Variants in METTL8 observed in about 807,000 individuals in gnomAD.
METTL8 encodes the protein methyltransferase 8, tRNA N3-cytidine.
In METTL8, 32 loss-of-function variants were observed where a neutral mutation model predicts 48.7. That is an observed-to-expected ratio of 0.66 (90% CI 0.50 to 0.88). METTL8 has a LOEUF of 0.88. Among genes scored for constraint, METTL8 ranks in the 40% least tolerant of loss-of-function variants. The pLI is 0.00. For missense variants in METTL8, 464 were observed against 474.4 expected, an observed-to-expected ratio of 0.98 and a Z score of 0.20; for synonymous variants, 136 against 157.1, an observed-to-expected ratio of 0.87 and a Z score of 1.01.
Position 171,318,106 on chromosome 2 carries a change from T to G in METTL8, c.*6066A>C, listed in dbSNP as rs943387497. The G allele has an allele frequency of 1.3e-5, 2 of 152,232 alleles. No homozygotes were observed. Among genetic ancestry groups the G allele is most frequent in the Non-Finnish European group, 2.9e-5 (2 of 68,040 alleles). 9.4% of individuals were successfully genotyped at this position (152,232 alleles called of 1,614,324 possible). On this transcript the variant is annotated 3_prime_UTR_variant, in exon 10 of 10. Transcript: ENST00000375258. ...AGACATATGTTAATGAAAGACAGAT[T>G]TTGGCATCCACTTTTCTCTGTAGCT...
intron 7 of METTL8, among the ~76,000 whole-genome samples, chr2:171,328,731 C>A (rs549791408): frequency 1.3e-5 from 2 of 152,064 alleles, no homozygotes; most frequent in South Asian, 4.2e-4. Flanking sequence ...TCTGTCTTGC[C>A]CAGGCTGGAG....
intron 2 of METTL8, among the ~76,000 whole-genome samples, chr2:171,364,646 T>C (rs1483582594): frequency 6.6e-6 from 1 of 152,180 alleles, no homozygotes; most frequent in Non-Finnish European, 1.5e-5. Context: ...ATCTAAATAA[T>C]TGTGTATTTG....
intron 3 of METTL8, among the ~76,000 whole-genome samples, chr2:171,346,875 C>A (rs1316135313): frequency 6.6e-6 from 1 of 152,212 alleles, no homozygotes; most frequent in East Asian, 1.9e-4. Context: ...CAGACTGGCA[C>A]GTCTGTGATC....
intron 2 of METTL8, among the ~76,000 whole-genome samples, chr2:171,372,035 G>A (rs1686415462): frequency 6.6e-6 from 1 of 152,008 alleles, no homozygotes; most frequent in Non-Finnish European, 1.5e-5. Context: ...CAAACATAGA[G>A]CCAATGCCTT....
intron 2 of METTL8, among the ~76,000 whole-genome samples, chr2:171,375,760 A>G (rs993052480): frequency 1.3e-5 from 2 of 152,256 alleles, no homozygotes; most frequent in Non-Finnish European, 2.9e-5. Flanking sequence ...CAACACAGAT[A>G]AATCTCAAAA....
Position 171,331,034 on chromosome 2 carries a change from C to T in METTL8, c.721-336G>A, listed in dbSNP as rs755632233. On this transcript the variant is annotated intron_variant, in intron 6 of 9. Coordinates refer to ENST00000375258, the MANE Select transcript of METTL8 (RefSeq NM_001321154.2). Reference sequence around the variant, plus strand: ...ACTTAAAGAGGTTCTGTTTGGACTACGATTATTCATGGGCAGGCATACATT... The same window carrying T: ...ACTTAAAGAGGTTCTGTTTGGACTATGATTATTCATGGGCAGGCATACATT... Among the ~76,000 whole-genome samples, 8 of 152,122 alleles carry T rather than the reference C, an allele frequency of 5.3e-5. No homozygotes were observed. The South Asian group carries it at 8.3e-4, about 16-fold the overall frequency.
At chr2:171,388,576 C>CA (rs1370465063) in intron 2 of METTL8, among the ~76,000 whole-genome samples, 3 of 152,164 alleles carry the variant, frequency 2.0e-5, no homozygotes, top group Non-Finnish European at 4.4e-5. Flanking sequence ...AGCATTAATT[C>CA]AACAATATTT....
intron 2 of METTL8, among the ~76,000 whole-genome samples, chr2:171,390,150 G>A (rs1392042327): frequency 6.6e-6 from 1 of 152,160 alleles, no homozygotes; most frequent in Non-Finnish European, 1.5e-5. Context: ...AACAAAGCCT[G>A]GATGACAACA....
At chr2:171,336,739 G>A (rs1420275357) in intron 5 of METTL8, among the ~76,000 whole-genome samples, 51 of 152,054 alleles carry the variant, frequency 3.4e-4, no homozygotes, top group Non-Finnish European at 1.5e-5. Flanking sequence ...ACAAAATGAG[G>A]CTTAAGTTGT....
intron 1 of METTL8, among the ~76,000 whole-genome samples, chr2:171,399,865 A>G (rs1434249244): frequency 6.6e-6 from 1 of 152,122 alleles, no homozygotes; most frequent in Non-Finnish European, 1.5e-5. Context: ...AAGGCTGAGC[A>G]CAGTGGTTCA....
chr2:171,386,393 AC>A (rs951606573), intron 2 of METTL8, among the ~76,000 whole-genome samples: 1 of 152,322 alleles, frequency 6.6e-6, no homozygotes, highest in Admixed American at 6.5e-5. Context: ...AATGTGAACT[AC>A]ATACGTAGTT....
intron 1 of METTL8, among the ~76,000 whole-genome samples, chr2:171,420,991 G>A (rs1181762607): frequency 6.6e-6 from 1 of 152,160 alleles, no homozygotes; most frequent in Non-Finnish European, 1.5e-5. Flanking sequence ...AATAAGACAA[G>A]GATGTCCATT....
intron 1 of METTL8, among the ~76,000 whole-genome samples, chr2:171,413,957 T>G (rs1353476082): frequency 6.6e-6 from 1 of 152,182 alleles, no homozygotes; most frequent in Non-Finnish European, 1.5e-5. Flanking sequence ...AAAGAAAATT[T>G]CGTTTCTAAA....
intron 1 of METTL8, among the ~76,000 whole-genome samples, chr2:171,392,829 G>T (rs994929595): frequency 1.3e-5 from 2 of 151,928 alleles, no homozygotes; most frequent in Admixed American, 6.6e-5. Flanking sequence ...AGGCATGGTG[G>T]CTCATGCCTG....
At chr2:171,407,239 G>A (rs759489049) in intron 1 of METTL8, among the ~76,000 whole-genome samples, 55 of 152,234 alleles carry the variant, frequency 3.6e-4, no homozygotes, top group Non-Finnish European at 7.1e-4. Flanking sequence ...CCAGCAACTT[G>A]GGAGGCTGAG....
intron 1 of METTL8, among the ~76,000 whole-genome samples, chr2:171,406,633 C>A (rs762409486): frequency 5.9e-5 from 9 of 152,124 alleles, no homozygotes; most frequent in Non-Finnish European, 4.4e-5. Flanking sequence ...TCTTTATTAC[C>A]TCCATAAAGG....
chr2:171,337,863 T>C (rs965006443), intron 4 of METTL8, among the ~76,000 whole-genome samples: 2 of 150,956 alleles, frequency 1.3e-5, no homozygotes, highest in Non-Finnish European at 3.0e-5. Context: ...CAAATGATTC[T>C]AAACATTTGA....
chr2:171,361,862 G>A lies in METTL8; in HGVS notation c.144-1349C>T, dbSNP rs563827556. ...CCTAGTGCAAGCAGGTAAACAATAC[G>A]TAAATGATAATACAGTGAAACATGC... On this transcript the variant is annotated intron_variant, in intron 2 of 9. Transcript: ENST00000375258. 5.3e-5 allele frequency among the ~76,000 whole-genome samples: 8 copies of A among 152,256 alleles called. No homozygotes were observed. The East Asian group carries it at 5.8e-4, about 11-fold the overall frequency.
intron 5 of METTL8, among the ~76,000 whole-genome samples, chr2:171,334,856 G>A (rs753895445): frequency 6.6e-6 from 1 of 152,160 alleles, no homozygotes; most frequent in African/African-American, 2.4e-5. Flanking sequence ...AATATGTATT[G>A]AGCTCCAACT....
Sources: gnomAD v4.1 joint callset for allele counts (sites outside exome capture counted in the v4.1 genomes callset) on GRCh38, gnomAD v4.1.1 for gene constraint, MANE v1.5 for transcripts, NCBI Gene and HGNC (gene_info 2026-07-23, HGNC 2026-07-21) for gene names.